CFAP61: variants seen among roughly 807,000 people sequenced by gnomAD.
CFAP61 encodes the protein cilia and flagella associated protein 61.
A neutral mutation model predicts 135.6 loss-of-function variants in CFAP61; 107 were observed. The ratio of observed to expected loss-of-function variants is 0.79; its 90% CI spans 0.67 to 0.93. The LOEUF (loss-of-function observed/expected upper bound fraction) is 0.93, where lower values mean the gene tolerates loss of function less well. Among genes scored for constraint, CFAP61 ranks in the 40% least tolerant of loss-of-function variants. CFAP61 has a pLI of 0.00. For missense variants in CFAP61, 1,507 were observed against 1,556.2 expected (o/e 0.97, Z 0.53); for synonymous variants, 575 against 578.5 (o/e 0.99, Z 0.09).
intron 8 of CFAP61, among the ~76,000 whole-genome samples, chr20:20,101,307 T>G (rs1452700517): frequency 6.6e-6 from 1 of 152,250 alleles, no homozygotes; most frequent in Admixed American, 6.5e-5. Context: ...TCTCATATCT[T>G]GTATTTTGTT....
At chr20:20,137,863 C>G in intron 8 of CFAP61, among the ~76,000 whole-genome samples, 1 of 152,168 alleles carries the variant, frequency 6.6e-6, no homozygotes, top group East Asian at 1.9e-4. Flanking sequence ...GCCGGTCACA[C>G]CTGAAGTCAG....
chr20:20,276,127 A>G (rs1368317260), intron 21 of CFAP61, among the ~76,000 whole-genome samples: 1 of 152,252 alleles, frequency 6.6e-6, no homozygotes, highest in Non-Finnish European at 1.5e-5. Flanking sequence ...TAAGCAAACA[A>G]GACAAGCCAT....
intron 21 of CFAP61, among the ~76,000 whole-genome samples, chr20:20,269,090 A>C (rs1230437069): frequency 1.4e-5 from 2 of 147,168 alleles, no homozygotes; most frequent in Non-Finnish European, 3.0e-5. Flanking sequence ...AAAAGTAAAA[A>C]GCGCATTGTC....
At chr20:20,332,637 A>C (rs1346004476) in intron 25 of CFAP61, among the ~76,000 whole-genome samples, 1 of 152,160 alleles carries the variant, frequency 6.6e-6, no homozygotes, top group African/African-American at 2.4e-5. Flanking sequence ...TTTTAAATTA[A>C]AAAAGGTCTC....
At chr20:20,069,804 A>G (rs970209738) in intron 2 of CFAP61, 1 of 454,670 alleles carries the variant, frequency 2.2e-6, no homozygotes, top group African/African-American at 2.0e-5. Context: ...ACATAACTGG[A>G]AAGCCCATGT....
At chr20:20,350,740 C>A (rs968275071) in intron 26 of CFAP61, among the ~76,000 whole-genome samples, 2 of 152,204 alleles carry the variant, frequency 1.3e-5, no homozygotes, top group African/African-American at 4.8e-5. Context: ...GAGGAAACAA[C>A]CCAAATGTCC....
intron 25 of CFAP61, among the ~76,000 whole-genome samples, chr20:20,330,083 A>G (rs923911910): frequency 6.6e-5 from 10 of 152,350 alleles, no homozygotes; most frequent in Non-Finnish European, 1.0e-4. Context: ...AGTGATGTCC[A>G]GTAGAAATAT....
At chr20:20,185,462 A>C (rs1327933119) in intron 13 of CFAP61, among the ~76,000 whole-genome samples, 1 of 152,252 alleles carries the variant, frequency 6.6e-6, no homozygotes, top group Non-Finnish European at 1.5e-5. Context: ...AAGCAGAGCC[A>C]GCCCAAAGTT....
chr20:20,070,335 T>C (rs2045614901), intron 2 of CFAP61, among the ~76,000 whole-genome samples: 1 of 152,168 alleles, frequency 6.6e-6, no homozygotes, highest in Admixed American at 6.5e-5. Context: ...AGGAATTGCT[T>C]GAGAATGGTA....
chr20:20,262,726 A>G (rs1053291968), intron 20 of CFAP61, among the ~76,000 whole-genome samples: 2 of 151,520 alleles, frequency 1.3e-5, no homozygotes, highest in Non-Finnish European at 1.5e-5. Context: ...TTTTGAAACA[A>G]TTTGTTACAC....
chr20:20,249,997 T>A (rs2050759657), intron 19 of CFAP61, among the ~76,000 whole-genome samples: 1 of 152,204 alleles, frequency 6.6e-6, no homozygotes. Context: ...TCCATTATTT[T>A]CCTGTGATAG....
intron 20 of CFAP61, among the ~76,000 whole-genome samples, chr20:20,254,229 G>C (rs1383162399): frequency 1.5e-5 from 2 of 134,928 alleles, no homozygotes; most frequent in Non-Finnish European, 3.1e-5. Context: ...GGGTATAAAA[G>C]GATATTTTTA....
chr20:20,117,125 G>A (rs901097702), intron 8 of CFAP61, among the ~76,000 whole-genome samples: 19 of 152,152 alleles, frequency 1.2e-4, no homozygotes, highest in Non-Finnish European at 2.8e-4. Context: ...GGAGGCCGAG[G>A]TGGGTGGATC....
chr20:20,208,483 G>A (rs1037459249), intron 17 of CFAP61, among the ~76,000 whole-genome samples: 10 of 152,254 alleles, frequency 6.6e-5, no homozygotes, highest in African/African-American at 2.4e-4. Flanking sequence ...GCTGGAGAAG[G>A]CAGGATGGGG....
At position 20,196,716 on chromosome 20, in the gene CFAP61, G is replaced by A; in HGVS notation, c.1737G>A (p.Leu579=). The change falls in exon 16 of 27, where the codon CTG becomes CTA. Residue 579 remains leucine, a synonymous_variant. Coordinates refer to ENST00000245957, the MANE Select transcript of CFAP61 (RefSeq NM_015585.4). ...CCAAGTTCTTTCTGAAGGAGATCCTGCGTTTAGGCTTTAAATCCTGTCTCT... is the reference window on the plus strand; with the variant it reads ...CCAAGTTCTTTCTGAAGGAGATCCTACGTTTAGGCTTTAAATCCTGTCTCT... ...HYTKFFLKEI[L]RLGFKSCLYY... 6.2e-7 allele frequency: 1 copy of A among 1,614,198 alleles called. No homozygotes were observed. The highest frequency in any genetic ancestry group is 8.5e-7 in the Non-Finnish European group (1 of 1,180,040).
Position 20,360,331 on chromosome 20 carries a change from T to C in CFAP61, c.3635T>C (p.Leu1212Pro), listed in dbSNP as rs2059428190. 6.2e-7 allele frequency: 1 copy of C among 1,613,878 alleles called. No individual in the cohort carries two copies. The highest frequency in any genetic ancestry group is 1.1e-5 in the South Asian group (1 of 91,070). The change falls in exon 27 of 27, where the codon CTG becomes CCG. Residue 1212 changes from leucine (L) to proline (P), a missense_variant. Leu to Pro is a moderately conservative substitution (Grantham distance 98, BLOSUM62 -3). Coordinates refer to ENST00000245957, the MANE Select transcript of CFAP61 (RefSeq NM_015585.4). The part of the protein sequence containing the change: ...RVFEESIYKT[L>P]VERSTLDYLH... ...TTTGAGGAATCCATCTACAAAACCC[T>C]GGTGGAGAGAAGCACTCTTGACTAC...
chr20:20,275,732 A>G (rs2053701919), intron 21 of CFAP61, among the ~76,000 whole-genome samples: 1 of 152,242 alleles, frequency 6.6e-6, no homozygotes, highest in Admixed American at 6.5e-5. Flanking sequence ...CCTATTTCAA[A>G]AGGACAGAAG....
chr20:20,263,167 G>A, intron 21 of CFAP61, 37 bp downstream of exon 21: 1 of 1,492,622 alleles, frequency 6.7e-7, no homozygotes, highest in South Asian at 1.3e-5. Flanking sequence ...CTTCAGAATA[G>A]CGTTTTATTT....
intron 25 of CFAP61, among the ~76,000 whole-genome samples, chr20:20,313,947 G>A (rs1014628237): frequency 1.8e-4 from 28 of 152,262 alleles, no homozygotes; most frequent in East Asian, 3.9e-4. Flanking sequence ...ATCCACTCCC[G>A]TGAGAACCAA....
Sources: allele counts gnomAD v4.1 joint callset (sites outside exome capture counted in the v4.1 genomes callset), GRCh38; gene constraint gnomAD v4.1.1; transcripts MANE v1.5; gene names NCBI Gene and HGNC (gene_info 2026-07-23, HGNC 2026-07-21).